FOXP1: variants seen among roughly 807,000 people sequenced by gnomAD.
FOXP1 encodes forkhead box protein P1.
Under a neutral mutation model 98.2 loss-of-function variants are expected in FOXP1, and 15 were observed. The ratio of observed to expected loss-of-function variants is 0.15; its 90% CI spans 0.10 to 0.24. The LOEUF is 0.24. FOXP1 is among the 10% of genes least tolerant of loss of function. FOXP1 has a pLI of 1.00. For missense variants in FOXP1, 633 were observed against 848.5 expected, an observed-to-expected ratio of 0.75 and a Z score of 3.15; for synonymous variants, 371 against 314.5, an observed-to-expected ratio of 1.18 and a Z score of -1.90.
intron 2 of FOXP1, among the ~76,000 whole-genome samples, chr3:71,509,065 G>A (rs1269764641): frequency 4.6e-5 from 7 of 152,290 alleles, no homozygotes; most frequent in East Asian, 3.9e-4. Context: ...TATGGATTTC[G>A]CCAGTCATTA....
At chr3:70,976,357 A>AATCT (rs1441194739) in intron 17 of FOXP1, among the ~76,000 whole-genome samples, 2 of 152,270 alleles carry the variant, frequency 1.3e-5, no homozygotes, top group East Asian at 3.9e-4. Context: ...CCTGGCCGAC[A>AATCT]ATCTCTTGAC....
At chr3:71,429,232 C>T (rs2084454091) in intron 3 of FOXP1, among the ~76,000 whole-genome samples, 2 of 152,066 alleles carry the variant, frequency 1.3e-5, no homozygotes, top group African/African-American at 2.4e-5. Flanking sequence ...CCCAAGGGGA[C>T]ACTGAAGGAA....
rs1202442507 is a variant in FOXP1, at chr3:71,137,880, TCCCTCCTC to T, written c.181-25251_181-25244del. Among the ~76,000 whole-genome samples the T allele has an allele frequency of 3.3e-5, 5 of 151,848 alleles. No individual in the cohort carries two copies. In the East Asian group the frequency reaches 9.6e-4, roughly 29 times the overall value. ...CTATACAAGTTGTGCCTTCTCCCCT[TCCCTCCTC>T]CTGTGAATACAGAAATCTCTTTGAC... is the stretch of plus-strand genomic sequence containing the variant. On this transcript the variant is annotated intron_variant, in intron 6 of 20. Transcript: ENST00000649528.
chr3:71,103,889 C>T (rs750337824), intron 7 of FOXP1, among the ~76,000 whole-genome samples: 2 of 152,108 alleles, frequency 1.3e-5, no homozygotes, highest in East Asian at 3.9e-4. Context: ...TTGACCTCAG[C>T]GTGCCCCCTT....
At chr3:71,268,958 G>A (rs926494883) in intron 5 of FOXP1, among the ~76,000 whole-genome samples, 2 of 152,182 alleles carry the variant, frequency 1.3e-5, no homozygotes, top group East Asian at 1.9e-4. Context: ...ATGTAGCCTC[G>A]TGGTTCATCT....
At chr3:71,063,701 CAT>C (rs878882905) in intron 7 of FOXP1, among the ~76,000 whole-genome samples, 5 of 152,154 alleles carry the variant, frequency 3.3e-5, no homozygotes, top group East Asian at 3.8e-4. Context: ...TTTTCCCCCA[CAT>C]GTGTCACTTT....
intron 3 of FOXP1, among the ~76,000 whole-genome samples, chr3:71,438,432 C>G (rs1304994228): frequency 6.6e-6 from 1 of 152,090 alleles, no homozygotes; most frequent in African/African-American, 2.4e-5. Context: ...GGCATGAGTT[C>G]CTGTGCATTC....
At chr3:71,306,407 C>T (rs182136583) in intron 4 of FOXP1, among the ~76,000 whole-genome samples, 6 of 151,974 alleles carry the variant, frequency 3.9e-5, no homozygotes, top group African/African-American at 9.7e-5. Context: ...TAACATTCAA[C>T]GAATTTTAAA....
intron 6 of FOXP1, among the ~76,000 whole-genome samples, chr3:71,170,620 C>CTATA (rs2061603778): frequency 6.6e-6 from 1 of 152,126 alleles, no homozygotes; most frequent in Non-Finnish European, 1.5e-5. Context: ...CTTCTTTTGA[C>CTATA]TATAGGATGT....
chr3:71,085,459 C>T (rs2054937659), intron 7 of FOXP1, among the ~76,000 whole-genome samples: 1 of 151,850 alleles, frequency 6.6e-6, no homozygotes. Context: ...CCCCACTTAG[C>T]TTTTTTTACT....
intron 2 of FOXP1, among the ~76,000 whole-genome samples, chr3:71,511,164 T>C (rs2042176868): frequency 6.6e-6 from 1 of 152,200 alleles, no homozygotes; most frequent in African/African-American, 2.4e-5. Context: ...AATGAAGTCT[T>C]GAAATGCTTA....
At chr3:71,546,509 T>C (rs1010166618) in intron 2 of FOXP1, among the ~76,000 whole-genome samples, 5 of 152,056 alleles carry the variant, frequency 3.3e-5, no homozygotes, top group African/African-American at 9.7e-5. Context: ...CCTCTGGCCA[T>C]GTCATTCATA....
chr3:71,113,712 C>CAAAAAAAAATAAAATAAAAT (rs869291499), intron 6 of FOXP1, among the ~76,000 whole-genome samples: 1 of 102,378 alleles, frequency 9.8e-6, no homozygotes, highest in Admixed American at 1.0e-4. Context: ...GCTTCCATCT[C>CAAAAAAAAATAAAATAAAAT]AAAATAAAAT....
At chr3:70,996,156 T>C (rs927582461) in intron 13 of FOXP1, among the ~76,000 whole-genome samples, 3 of 152,170 alleles carry the variant, frequency 2.0e-5, no homozygotes, top group Non-Finnish European at 2.9e-5. Context: ...CTGGCTAATT[T>C]TGTGTTTTTA....
At chr3:71,297,616 ATTTT>A (rs33920121) in intron 5 of FOXP1, among the ~76,000 whole-genome samples, 1 of 135,206 alleles carries the variant, frequency 7.4e-6, no homozygotes, top group African/African-American at 2.8e-5. Flanking sequence ...GCTTTGTTTA[ATTTT>A]TTTTTTTTTT....
chr3:71,079,497 G>A (rs533250285), intron 7 of FOXP1, among the ~76,000 whole-genome samples: 2 of 151,946 alleles, frequency 1.3e-5, no homozygotes, highest in South Asian at 4.2e-4. Flanking sequence ...ATCCTCCCTC[G>A]ACACAGACAA....
chr3:71,072,437 G>A (rs1408928085), intron 7 of FOXP1, among the ~76,000 whole-genome samples: 1 of 152,104 alleles, frequency 6.6e-6, no homozygotes, highest in Non-Finnish European at 1.5e-5. Flanking sequence ...AGTGAGTCAG[G>A]GAACAACAAC....
chr3:71,094,865 T>G (rs1450148876), intron 7 of FOXP1, among the ~76,000 whole-genome samples: 1 of 152,216 alleles, frequency 6.6e-6, no homozygotes, highest in Admixed American at 6.5e-5. Flanking sequence ...AGCAGACAGA[T>G]GAAGCCTCAG....
chr3:71,354,002 T>C (rs939349298), intron 4 of FOXP1, among the ~76,000 whole-genome samples: 2 of 152,072 alleles, frequency 1.3e-5, no homozygotes, highest in East Asian at 3.9e-4. Context: ...AGTATATTTT[T>C]TTAAAAAAAG....
Sources: gnomAD v4.1 joint callset for allele counts (sites outside exome capture counted in the v4.1 genomes callset) on GRCh38, gnomAD v4.1.1 for gene constraint, MANE v1.5 for transcripts, NCBI Gene and HGNC (gene_info 2026-07-23, HGNC 2026-07-21) for gene names.